IL1RAPL2: variants seen among roughly 807,000 people sequenced by gnomAD.
The protein encoded by IL1RAPL2 is X-linked interleukin-1 receptor accessory protein-like 2.
Under a neutral mutation model 44.1 loss-of-function variants are expected in IL1RAPL2, and 3 were observed. The observed-to-expected ratio is 0.07, with a 90% CI of 0.03 to 0.18. The LOEUF (loss-of-function observed/expected upper bound fraction) is 0.18. Ranked by LOEUF, IL1RAPL2 falls within the 10% of genes least tolerant of loss-of-function variation. The probability of loss-of-function intolerance (pLI) is 1.00; values close to 1 mark genes in which losing one functional copy is unlikely to be tolerated. For missense variants in IL1RAPL2, 391 were observed against 496.4 expected (o/e 0.79, Z 2.02); for synonymous variants, 181 against 178.8 (o/e 1.01, Z -0.10).
intron 2 of IL1RAPL2, among the ~76,000 whole-genome samples, chrX:105,043,071 A>G (rs865921786): frequency 0.018 from 1,141 of 63,762 alleles, 34 homozygotes; most frequent in African/African-American, 0.071. Context: ...CACTCTGGGG[A>G]CTGTTGTGGG....
chrX:105,609,518 A>G (rs2037319777), intron 6 of IL1RAPL2, among the ~76,000 whole-genome samples: 1 of 111,863 alleles, frequency 8.9e-6, no homozygotes, highest in Non-Finnish European at 1.9e-5. Flanking sequence ...ATATATTTCC[A>G]TCTTTGTTAA....
chrX:105,502,897 T>C (rs761590613), intron 6 of IL1RAPL2, among the ~76,000 whole-genome samples: 2 of 110,851 alleles, frequency 1.8e-5, no homozygotes, highest in South Asian at 7.8e-4. Flanking sequence ...AAGCGTATTT[T>C]TTTTTGTCTG....
intron 5 of IL1RAPL2, among the ~76,000 whole-genome samples, chrX:105,479,037 A>G (rs2036216045): frequency 8.9e-6 from 1 of 111,778 alleles, no homozygotes; most frequent in African/African-American, 3.3e-5. Flanking sequence ...GATTTAAGAG[A>G]GGAGAAAGAT....
chrX:105,432,741 A>G (rs1461878838), intron 5 of IL1RAPL2, among the ~76,000 whole-genome samples: 2 of 110,718 alleles, frequency 1.8e-5, no homozygotes, highest in East Asian at 5.7e-4. Flanking sequence ...TTCAGGGCAA[A>G]CCCTAGGATA....
At chrX:105,598,716 C>G (rs1356187804) in intron 6 of IL1RAPL2, among the ~76,000 whole-genome samples, 1 of 111,830 alleles carries the variant, frequency 8.9e-6, no homozygotes, top group Non-Finnish European at 1.9e-5. Context: ...CCCAAACATG[C>G]AAAAGACCTA....
chrX:105,495,187 G>A (rs2036348660), intron 6 of IL1RAPL2, among the ~76,000 whole-genome samples: 1 of 112,293 alleles, frequency 8.9e-6, no homozygotes, highest in Non-Finnish European at 1.9e-5. Context: ...CCACTGAAAA[G>A]TAAAGTTTGA....
intron 2 of IL1RAPL2, among the ~76,000 whole-genome samples, chrX:104,702,477 C>T (rs1931292981): frequency 8.9e-6 from 1 of 112,045 alleles, no homozygotes; most frequent in Admixed American, 9.5e-5. Context: ...AAAACAAAAT[C>T]CCTCTCTGTT....
At chrX:105,175,895 T>G in intron 2 of IL1RAPL2, among the ~76,000 whole-genome samples, 1 of 111,138 alleles carries the variant, frequency 9.0e-6, no homozygotes, top group Non-Finnish European at 1.9e-5. Context: ...ATACATAATA[T>G]ATAATGATAT....
chrX:104,866,165 A>C (rs1273096186), intron 2 of IL1RAPL2, among the ~76,000 whole-genome samples: 2 of 111,946 alleles, frequency 1.8e-5, no homozygotes, highest in African/African-American at 6.5e-5. Flanking sequence ...CCTATGGTTC[A>C]GACAATGAAT....
chrX:105,521,176 C>T (rs1302478577), intron 6 of IL1RAPL2, among the ~76,000 whole-genome samples: 4 of 104,803 alleles, frequency 3.8e-5, no homozygotes, highest in African/African-American at 1.0e-4. Context: ...GATCTCCTGA[C>T]CTCGTGATCT....
chrX:105,763,469 C>A (rs148763750), intron 10 of IL1RAPL2, among the ~76,000 whole-genome samples: 1,684 of 110,791 alleles, frequency 0.015, 34 homozygotes, highest in African/African-American at 0.052. Context: ...TGGCTAGGTT[C>A]TTATATTTTC....
chrX:104,858,717 T>G (rs923473710), intron 2 of IL1RAPL2, among the ~76,000 whole-genome samples: 2 of 111,685 alleles, frequency 1.8e-5, no homozygotes, highest in Non-Finnish European at 3.8e-5. Context: ...TAAAAGACGA[T>G]TGCATTTCAA....
At chrX:105,615,302 C>T (rs2037366750) in intron 6 of IL1RAPL2, among the ~76,000 whole-genome samples, 1 of 111,417 alleles carries the variant, frequency 9.0e-6, no homozygotes, top group African/African-American at 3.3e-5. Context: ...ATAGAGCTAC[C>T]ATATGATCCA....
chrX:104,861,774 A>C (rs908375436), intron 2 of IL1RAPL2, among the ~76,000 whole-genome samples: 5 of 111,782 alleles, frequency 4.5e-5, no homozygotes, highest in African/African-American at 1.3e-4. Flanking sequence ...TTCAATACCT[A>C]ATAAAATATA....
intron 8 of IL1RAPL2, among the ~76,000 whole-genome samples, chrX:105,748,121 T>G (rs2038565375): frequency 9.0e-6 from 1 of 111,512 alleles, no homozygotes; most frequent in Admixed American, 9.6e-5. Context: ...GATGATACAC[T>G]CTTTATATTT....
At chrX:104,619,680 T>C (rs1929348518) in intron 1 of IL1RAPL2, among the ~76,000 whole-genome samples, 1 of 112,396 alleles carries the variant, frequency 8.9e-6, no homozygotes, top group Non-Finnish European at 1.9e-5. Context: ...ACTGTATTGC[T>C]ACTGAAGACG....
chrX:105,358,055 A>G (rs1171267808), intron 5 of IL1RAPL2, among the ~76,000 whole-genome samples: 1 of 106,096 alleles, frequency 9.4e-6, no homozygotes, highest in Non-Finnish European at 1.9e-5. Flanking sequence ...AAAAAAAAAA[A>G]AAAAAAAAAA....
intron 2 of IL1RAPL2, among the ~76,000 whole-genome samples, chrX:104,973,833 G>T (rs2030282025): frequency 9.0e-6 from 1 of 110,733 alleles, no homozygotes; most frequent in South Asian, 3.8e-4. Flanking sequence ...TTTAATCTAG[G>T]ACAATAATTT....
chrX:105,497,060 TG>T (rs1292001756), intron 6 of IL1RAPL2, among the ~76,000 whole-genome samples: 1 of 111,630 alleles, frequency 9.0e-6, no homozygotes. Context: ...ATATATTTAT[TG>T]GGTATATATG....
Sources: gnomAD v4.1 joint callset for allele counts (sites outside exome capture counted in the v4.1 genomes callset) on GRCh38, gnomAD v4.1.1 for gene constraint, MANE v1.5 for transcripts, NCBI Gene and HGNC (gene_info 2026-07-23, HGNC 2026-07-21) for gene names.